LHFPL3: variants seen among roughly 807,000 people sequenced by gnomAD.
The protein encoded by LHFPL3 is LHFPL tetraspan subfamily member 3, also known as LHFPL tetraspan subfamily member 3 protein.
Under a neutral mutation model 19.3 loss-of-function variants are expected in LHFPL3, and 5 were observed. That is an observed-to-expected ratio of 0.26 (90% CI 0.14 to 0.54). LHFPL3 has a LOEUF of 0.54. Among genes scored for constraint, LHFPL3 ranks in the 20% least tolerant of loss-of-function variants. The probability of loss-of-function intolerance (pLI) is 0.94; values close to 1 mark genes in which losing one functional copy is unlikely to be tolerated. For synonymous variants in LHFPL3, 133 were observed against 126.2 expected (o/e 1.05, Z -0.36); for missense variants, 249 against 307.4 (o/e 0.81, Z 1.42).
At chr7:104,726,537 G>C (rs1054546755) in intron 1 of LHFPL3, among the ~76,000 whole-genome samples, 1 of 152,060 alleles carries the variant, frequency 6.6e-6, no homozygotes, top group Middle Eastern at 3.2e-3. Flanking sequence ...CTGTGTCTAT[G>C]TGTTCACATT....
intron 1 of LHFPL3, among the ~76,000 whole-genome samples, chr7:104,592,397 C>A (rs1790743614): frequency 6.6e-6 from 1 of 150,564 alleles, no homozygotes; most frequent in Non-Finnish European, 1.5e-5. Context: ...CACTCCAGAC[C>A]CTGTTTGCCT....
In LHFPL3 at chr7:104,389,890, G is replaced by A. The variant is rs752715442; in HGVS notation, c.445+60666G>A. 7.9e-5 allele frequency among the ~76,000 whole-genome samples: 12 copies of A among 152,086 alleles called. No homozygotes were observed. The South Asian group carries it at 8.3e-4, about 11-fold the overall frequency. ...CTCACCATCAATTACACACCTAAAC[G>A]TTAGAATTAAAACCATAAAACTGCC... is the stretch of plus-strand genomic sequence containing the variant. On this transcript the variant is annotated intron_variant, in intron 1 of 2. Transcript: ENST00000424859.
chr7:104,695,723 A>C (rs1465233258), intron 1 of LHFPL3, among the ~76,000 whole-genome samples: 2 of 152,218 alleles, frequency 1.3e-5, no homozygotes, highest in South Asian at 2.1e-4. Context: ...CCTAGAAGCA[A>C]TAGCAATACA....
chr7:104,439,165 A>C (rs1293662279), intron 1 of LHFPL3, among the ~76,000 whole-genome samples: 3 of 152,164 alleles, frequency 2.0e-5, no homozygotes, highest in Non-Finnish European at 2.9e-5. Flanking sequence ...GAATTGTCAA[A>C]AAATTAAGGA....
At chr7:104,370,402 C>T (rs1298509026) in intron 1 of LHFPL3, among the ~76,000 whole-genome samples, 2 of 152,140 alleles carry the variant, frequency 1.3e-5, no homozygotes, top group African/African-American at 4.8e-5. Flanking sequence ...CCCTCTAGCA[C>T]CACCGCCCTC....
At chr7:104,653,540 T>C (rs1027222628) in intron 1 of LHFPL3, among the ~76,000 whole-genome samples, 1 of 152,210 alleles carries the variant, frequency 6.6e-6, no homozygotes, top group Non-Finnish European at 1.5e-5. Flanking sequence ...TCTGTGTCTA[T>C]TTTTCTTCTT....
At chr7:104,827,797 G>A (rs1485088316) in intron 2 of LHFPL3, among the ~76,000 whole-genome samples, 1 of 151,746 alleles carries the variant, frequency 6.6e-6, no homozygotes, top group Non-Finnish European at 1.5e-5. Flanking sequence ...GGAGATGCTT[G>A]GTTCATCTCA....
chr7:104,449,539 G>A (rs1792392295), intron 1 of LHFPL3, among the ~76,000 whole-genome samples: 1 of 152,170 alleles, frequency 6.6e-6, no homozygotes, highest in Non-Finnish European at 1.5e-5. Context: ...GTCCCTTGTT[G>A]CATTTAGTAA....
chr7:104,647,386 G>C (rs1380966559), intron 1 of LHFPL3, among the ~76,000 whole-genome samples: 1 of 152,308 alleles, frequency 6.6e-6, no homozygotes, highest in East Asian at 1.9e-4. Flanking sequence ...ACTGAGAAAA[G>C]TATTCATCCA....
intron 1 of LHFPL3, among the ~76,000 whole-genome samples, chr7:104,337,183 AAACAAC>A (rs573646627): frequency 5.9e-5 from 9 of 152,122 alleles, no homozygotes; most frequent in East Asian, 3.9e-4. Context: ...TAAAACAAAC[AAACAAC>A]AACAACAACA....
At chr7:104,596,362 C>T (rs186076318) in intron 1 of LHFPL3, among the ~76,000 whole-genome samples, 1 of 152,202 alleles carries the variant, frequency 6.6e-6, no homozygotes, top group South Asian at 2.1e-4. Flanking sequence ...ACAAATCATA[C>T]AAGCCTTCTT....
chr7:104,339,334 A>T lies in LHFPL3; in HGVS notation c.445+10110A>T, dbSNP rs144036233. ...AAAAACCTTTAGTTTGACCCTCATAACAATCCTACAAGGTTCGTATTATAC... is the reference window on the plus strand; with the variant it reads ...AAAAACCTTTAGTTTGACCCTCATATCAATCCTACAAGGTTCGTATTATAC... On this transcript the variant is annotated intron_variant, in intron 1 of 2. Transcript: ENST00000424859. Among the ~76,000 whole-genome samples, 614 of 152,348 alleles carry T rather than the reference A, an allele frequency of 4.0e-3. 7 individuals carry two copies. Among genetic ancestry groups the T allele is most frequent in the African/African-American group, 0.014 (596 of 41,582 alleles).
At chr7:104,540,670 A>C in intron 1 of LHFPL3, among the ~76,000 whole-genome samples, 1 of 152,204 alleles carries the variant, frequency 6.6e-6, no homozygotes, top group Non-Finnish European at 1.5e-5. Flanking sequence ...AGGCATTCTC[A>C]CATATAGTAA....
Position 104,399,736 on chromosome 7 carries a change from T to C in LHFPL3, c.445+70512T>C, listed in dbSNP as rs940548697. Among the ~76,000 whole-genome samples the C allele has an allele frequency of 4.7e-5, 7 of 150,500 alleles. No individual in the cohort carries two copies. Among genetic ancestry groups the C allele is most frequent in the African/African-American group, 9.8e-5 (4 of 40,838 alleles). ...CTCCGCCCACCTCGGCCTCCCAAAG[T>C]GCTGGGATTACAGTTGTAAGCCACT... On this transcript the variant is annotated intron_variant, in intron 1 of 2. Coordinates refer to ENST00000424859, the MANE Select transcript of LHFPL3 (RefSeq NM_199000.3). The surrounding 1 kb of genome is among the most constrained non-coding windows in gnomAD (Gnocchi z 4.4).
rs576638192 is a variant in LHFPL3, at chr7:104,475,176, A to G, written c.445+145952A>G. On this transcript the variant is annotated intron_variant, in intron 1 of 2. Coordinates refer to ENST00000424859, the MANE Select transcript of LHFPL3 (RefSeq NM_199000.3). Reference sequence around the variant, plus strand: ...ACAGGTGGTAAAACCATGGTTTCTAATAATATCTAAACATTACTTTCTGGT... The same window carrying G: ...ACAGGTGGTAAAACCATGGTTTCTAGTAATATCTAAACATTACTTTCTGGT... Among the ~76,000 whole-genome samples the G allele has an allele frequency of 3.3e-5, 5 of 152,366 alleles. No homozygotes were observed. In the East Asian group the frequency reaches 7.7e-4, roughly 23 times the overall value.
At chr7:104,435,362 G>A (rs1256205408) in intron 1 of LHFPL3, among the ~76,000 whole-genome samples, 1 of 151,714 alleles carries the variant, frequency 6.6e-6, no homozygotes, top group African/African-American at 2.4e-5. Context: ...GGCTGCTCTC[G>A]ACCTCCTGGC....
intron 1 of LHFPL3, among the ~76,000 whole-genome samples, chr7:104,351,340 C>T (rs1020279583): frequency 9.9e-5 from 15 of 152,058 alleles, no homozygotes; most frequent in African/African-American, 3.4e-4. Flanking sequence ...CAGTAGAGCC[C>T]ATTTCACTTC....
intron 1 of LHFPL3, among the ~76,000 whole-genome samples, chr7:104,482,012 G>A (rs913020067): frequency 2.0e-5 from 3 of 152,106 alleles, no homozygotes; most frequent in African/African-American, 7.2e-5. Flanking sequence ...CTTTTCCCTG[G>A]AGAATTACCC....
chr7:104,340,064 G>A (rs1032327506), intron 1 of LHFPL3, among the ~76,000 whole-genome samples: 28 of 152,164 alleles, frequency 1.8e-4, no homozygotes, highest in Non-Finnish European at 3.8e-4. Flanking sequence ...AGAAGCTAGC[G>A]TGTGGTCAAT....
Sources: allele counts gnomAD v4.1 joint callset (sites outside exome capture counted in the v4.1 genomes callset), GRCh38; gene constraint gnomAD v4.1.1; non-coding constraint Gnocchi (gnomAD v3.1); transcripts MANE v1.5; gene names NCBI Gene and HGNC (gene_info 2026-07-23, HGNC 2026-07-21).